EPHA4: variants seen among roughly 807,000 people sequenced by gnomAD.
The protein encoded by EPHA4 is EPH receptor A4.
In EPHA4, 19 loss-of-function variants were observed where a neutral mutation model predicts 108.3. The ratio of observed to expected loss-of-function variants is 0.18; its 90% CI spans 0.12 to 0.26. EPHA4 has a LOEUF of 0.26. EPHA4 is among the 10% of genes least tolerant of loss of function. The pLI is 1.00. For missense variants in EPHA4, 917 were observed against 1,254.0 expected, an observed-to-expected ratio of 0.73 and a Z score of 4.06; for synonymous variants, 449 against 455.5, an observed-to-expected ratio of 0.99 and a Z score of 0.18.
intron 3 of EPHA4, among the ~76,000 whole-genome samples, chr2:221,549,845 G>A (rs900713097): frequency 6.6e-6 from 1 of 152,130 alleles, no homozygotes; most frequent in Non-Finnish European, 1.5e-5. Context: ...AAAAAAATTA[G>A]CCAGTCATGG....
chr2:221,444,586 T>C (rs1243362801), intron 9 of EPHA4, among the ~76,000 whole-genome samples: 1 of 152,042 alleles, frequency 6.6e-6, no homozygotes, highest in East Asian at 1.9e-4. Context: ...AAAACATATA[T>C]TCCATGTAAA....
At chr2:221,422,131 C>T (rs987501044) in intron 17 of EPHA4, 6 of 151,180 alleles carry the variant, frequency 4.0e-5, no homozygotes, top group East Asian at 1.9e-4. Flanking sequence ...GTCCCTGGGT[C>T]GACATGAACA....
upstream of EPHA4, chr2:221,572,466 G>C (rs1362257931): frequency 2.9e-6 from 1 of 341,604 alleles, no homozygotes; most frequent in African/African-American, 2.2e-5. Flanking sequence ...CCCCCTCCGG[G>C]CTCCACGGGG....
At chr2:221,520,185 T>G (rs754478330) in intron 3 of EPHA4, among the ~76,000 whole-genome samples, 1 of 152,128 alleles carries the variant, frequency 6.6e-6, no homozygotes, top group African/African-American at 2.4e-5. Flanking sequence ...AAGCCTCTCA[T>G]AGCCAGCCCC....
chr2:221,424,440 C>A (rs1689838213), intron 17 of EPHA4, among the ~76,000 whole-genome samples: 1 of 148,004 alleles, frequency 6.8e-6, no homozygotes. Flanking sequence ...TTAAAATCAG[C>A]AACTCTTGTT....
Position 221,425,209 on chromosome 2 carries a change from C to CT in EPHA4, c.*818dup. ...AATCATTCTTGGTTGTTGGACTTAC[C>CT]TTGCAGATCTGGGGTCGCTTCTTTA... On this transcript the variant is annotated splice_region_variant and 3_prime_UTR_variant, in exon 17 of 18. Transcript: ENST00000281821. The CT allele has an allele frequency of 6.6e-6, 1 of 152,436 alleles. No homozygotes were observed. 9.4% of individuals were successfully genotyped at this position (152,436 alleles called of 1,614,324 possible).
intron 17 of EPHA4, among the ~76,000 whole-genome samples, chr2:221,424,745 G>C (rs1689850066): frequency 1.3e-5 from 2 of 152,186 alleles, no homozygotes; most frequent in Admixed American, 1.3e-4. Flanking sequence ...AGAAAATGAG[G>C]CTAATGGAAA....
chr2:221,526,846 C>T (rs1434835508), intron 3 of EPHA4, among the ~76,000 whole-genome samples: 1 of 107,072 alleles, frequency 9.3e-6, no homozygotes, highest in Admixed American at 1.2e-4. Flanking sequence ...TAGCCAGACT[C>T]GGCCTCAAAA....
intron 5 of EPHA4, among the ~76,000 whole-genome samples, chr2:221,464,962 CTG>C (rs984600036): frequency 1.4e-4 from 22 of 152,222 alleles, no homozygotes; most frequent in African/African-American, 4.8e-4. Context: ...CTTCAGAAGA[CTG>C]TGAATTAAAT....
At chr2:221,507,238 A>AC (rs1692658979) in intron 3 of EPHA4, among the ~76,000 whole-genome samples, 1 of 152,220 alleles carries the variant, frequency 6.6e-6, no homozygotes, top group African/African-American at 2.4e-5. Context: ...TTTGAATGAC[A>AC]AAGCATAATA....
chr2:221,455,626 A>T lies in EPHA4; in HGVS notation c.1636T>A (p.Ser546Thr), dbSNP rs1690920441. 1.2e-6 allele frequency: 2 copies of T among 1,613,728 alleles called. No individual in the cohort carries two copies. Among genetic ancestry groups the T allele is most frequent in the Admixed American group, 1.7e-5 (1 of 59,974 alleles). Residue 546 changes from serine to threonine, a missense_variant, in exon 8 of 18, where the codon TCC (serine) becomes ACC (threonine). Ser to Thr is a moderately conservative substitution (Grantham distance 58, BLOSUM62 1). Coordinates refer to ENST00000281821, the MANE Select transcript of EPHA4 (RefSeq NM_004438.5). Reference protein sequence around the residue: ...PSRIIGDGANSTVLLVSVSGS... With the variant: ...PSRIIGDGANTTVLLVSVSGS... ...GAGACAGAGACCAGAAGGACTGTGGAGTTAGCCCCATCTCCAATGATCCGG... is the reference window on the plus strand; with the variant it reads ...GAGACAGAGACCAGAAGGACTGTGGTGTTAGCCCCATCTCCAATGATCCGG...
intron 8 of EPHA4, among the ~76,000 whole-genome samples, chr2:221,450,252 T>TA (rs1690737874): frequency 1.3e-5 from 2 of 152,164 alleles, no homozygotes; most frequent in Admixed American, 1.3e-4. Context: ...CTATTAAAAA[T>TA]ACAAAAATTA....
At chr2:221,511,403 C>T (rs1005327821) in intron 3 of EPHA4, among the ~76,000 whole-genome samples, 7 of 135,602 alleles carry the variant, frequency 5.2e-5, no homozygotes, top group Non-Finnish European at 1.2e-4. Flanking sequence ...ACACTGCTAA[C>T]TGTTCAAACT....
intron 3 of EPHA4, among the ~76,000 whole-genome samples, chr2:221,517,081 G>A (rs992589208): frequency 5.9e-5 from 9 of 152,228 alleles, no homozygotes; most frequent in African/African-American, 2.2e-4. Flanking sequence ...GGCACGGCCT[G>A]TGTTTCCACA....
chr2:221,507,407 A>G (rs1425175405), intron 3 of EPHA4, among the ~76,000 whole-genome samples: 4 of 152,204 alleles, frequency 2.6e-5, no homozygotes, highest in Admixed American at 6.5e-5. Flanking sequence ...AGCTATTCCT[A>G]TACCATTGTG....
Position 221,571,237 on chromosome 2 carries a change from G to GCA in EPHA4, c.91+919_91+920dup, listed in dbSNP as rs1190634752. 2.1e-5 allele frequency among the ~76,000 whole-genome samples: 3 copies of GCA among 145,844 alleles called. No individual in the cohort carries two copies. Among genetic ancestry groups the GCA allele is most frequent in the African/African-American group, 5.2e-5 (2 of 38,380 alleles). ...CAGACATGCACACACACGCAGACAT[G>GCA]CACACACACACCACACATACACACA... On this transcript the variant is annotated intron_variant, in intron 1 of 17. Transcript: ENST00000281821. The surrounding 1 kb of genome is among the most constrained non-coding windows in gnomAD (Gnocchi z 6.3).
Position 221,468,394 on chromosome 2 carries a change from C to A in EPHA4, c.1319-10404G>T, listed in dbSNP as rs1207762666. On this transcript the variant is annotated intron_variant, in intron 5 of 17. Transcript: ENST00000281821. Reference sequence around the variant, plus strand: ...AAGGAAAGGATTAGCTGCTATGCATCAAGGCTTCTATTCCTTTTGCTGTTA... The same window carrying A: ...AAGGAAAGGATTAGCTGCTATGCATAAAGGCTTCTATTCCTTTTGCTGTTA... 2.0e-5 allele frequency among the ~76,000 whole-genome samples: 3 copies of A among 152,314 alleles called. No individual in the cohort carries two copies. The East Asian group carries it at 5.8e-4, about 29-fold the overall frequency.
chr2:221,555,141 G>T (rs977204415), intron 3 of EPHA4, among the ~76,000 whole-genome samples: 1 of 152,268 alleles, frequency 6.6e-6, no homozygotes, highest in Middle Eastern at 3.4e-3. Context: ...GGGCAGGGGG[G>T]CCGGAGAGTG....
chr2:221,539,231 C>T (rs988162167), intron 3 of EPHA4, among the ~76,000 whole-genome samples: 2 of 152,178 alleles, frequency 1.3e-5, no homozygotes, highest in Admixed American at 1.3e-4. Context: ...CTTATGACGA[C>T]AAGCTGATGT....
Sources: gnomAD v4.1 joint callset for allele counts (sites outside exome capture counted in the v4.1 genomes callset) on GRCh38, gnomAD v4.1.1 for gene constraint, Gnocchi (gnomAD v3.1) non-coding constraint, MANE v1.5 for transcripts, NCBI Gene and HGNC (gene_info 2026-07-23, HGNC 2026-07-21) for gene names.